The following PAIP2 variants were observed in gnomAD, a reference collection of about 807,000 sequenced individuals.
The protein encoded by PAIP2 is polyadenylate-binding protein-interacting protein 2.
In PAIP2, 7 loss-of-function variants were observed where a neutral mutation model predicts 14.8. The observed-to-expected ratio is 0.47, with a 90% CI of 0.27 to 0.89. The LOEUF (loss-of-function observed/expected upper bound fraction) is 0.89. Ranked by LOEUF, PAIP2 falls within the 40% of genes least tolerant of loss-of-function variation. The probability of loss-of-function intolerance (pLI) is 0.13; values close to 1 mark genes in which losing one functional copy is unlikely to be tolerated. For synonymous variants in PAIP2, 47 were observed against 45.3 expected, an observed-to-expected ratio of 1.04 and a Z score of -0.15; for missense variants, 122 against 154.7, an observed-to-expected ratio of 0.79 and a Z score of 1.12.
At chr5:139,364,429 T>C (rs1005603187) in intron 2 of PAIP2, 135 bp from the exon 3 acceptor site, 1 of 537,894 alleles carries the variant, frequency 1.9e-6, no homozygotes, top group Non-Finnish European at 3.2e-6. Context: ...ATGGTAAGCA[T>C]TTTTTTTCCT....
chr5:139,365,301 C>T (rs1176221203), intron 3 of PAIP2, among the ~76,000 whole-genome samples: 6 of 151,888 alleles, frequency 4.0e-5, no homozygotes, highest in South Asian at 2.1e-4. Context: ...GCCTGGCCAA[C>T]GTGGTGAAAC....
intron 1 of PAIP2, among the ~76,000 whole-genome samples, chr5:139,350,501 T>C (rs1246108796): frequency 6.7e-6 from 1 of 150,356 alleles, no homozygotes; most frequent in Non-Finnish European, 1.5e-5. Flanking sequence ...CATGGTGGCA[T>C]GCGCCTGTAG....
At chr5:139,347,986 A>T (rs1756606991) in intron 1 of PAIP2, among the ~76,000 whole-genome samples, 1 of 152,082 alleles carries the variant, frequency 6.6e-6, no homozygotes, top group East Asian at 1.9e-4. Flanking sequence ...AGCCTGGCCA[A>T]CATAGTGAAA....
chr5:139,363,652 A>G (rs1757136645), intron 1 of PAIP2, 107 bp from the exon 2 acceptor site: 2 of 943,272 alleles, frequency 2.1e-6, no homozygotes, highest in South Asian at 3.4e-5. Context: ...GTGGTGAGCC[A>G]TGATCACACC....
chr5:139,367,925 C>A (rs1036731407), intron 3 of PAIP2, among the ~76,000 whole-genome samples: 8 of 152,174 alleles, frequency 5.3e-5, no homozygotes, highest in Admixed American at 3.9e-4. Flanking sequence ...TAATTTAGGC[C>A]GGGTGCAGTG....
chr5:139,359,164 T>A (rs535652828), intron 1 of PAIP2, among the ~76,000 whole-genome samples: 2 of 152,178 alleles, frequency 1.3e-5, no homozygotes, highest in South Asian at 2.1e-4. Context: ...AGACAGAGTC[T>A]TACTCTGTCT....
chr5:139,352,502 G>T (rs202102610), intron 1 of PAIP2, among the ~76,000 whole-genome samples: 3,488 of 75,278 alleles, frequency 0.046, 122 homozygotes, highest in African/African-American at 0.085. Context: ...TTTTTTTGTT[G>T]TTTTTTTTTT....
chr5:139,362,791 C>T (rs1009503648), intron 1 of PAIP2, among the ~76,000 whole-genome samples: 2 of 152,054 alleles, frequency 1.3e-5, no homozygotes, highest in South Asian at 2.1e-4. Context: ...CCACCTGCCC[C>T]CGCCTCCCAA....
rs368205101 is a variant in PAIP2 at position 139,352,169 on chromosome 5, G to GAAA, written c.-27+10200_-27+10202dup. ...AGTATAATACAGTATTCCAAAATCT[G>GAAA]AAAAAAAAAAAAACACCAAAACACT... On this transcript the variant is annotated intron_variant, in intron 1 of 3. Coordinates refer to ENST00000265192, the MANE Select transcript of PAIP2 (RefSeq NM_016480.5). Among the ~76,000 whole-genome samples, 52 of 131,884 alleles carry GAAA rather than the reference G, an allele frequency of 3.9e-4. No homozygotes were observed. The East Asian group carries it at 0.01, about 27-fold the overall frequency. 86.5% of individuals were successfully genotyped at this position (131,884 alleles called of 152,430 possible).
chr5:139,345,897 G>A (rs1756531378), intron 1 of PAIP2, among the ~76,000 whole-genome samples: 1 of 152,100 alleles, frequency 6.6e-6, no homozygotes. Context: ...AAAGTGCTGG[G>A]ATTACAGGCG....
chr5:139,346,998 G>A (rs953874323), intron 1 of PAIP2, among the ~76,000 whole-genome samples: 4 of 151,962 alleles, frequency 2.6e-5, no homozygotes, highest in African/African-American at 9.7e-5. Context: ...ACTAGAGATG[G>A]GGTTTCACCA....
chr5:139,367,019 C>T (rs963900332), intron 3 of PAIP2, among the ~76,000 whole-genome samples: 9 of 152,106 alleles, frequency 5.9e-5, no homozygotes, highest in Admixed American at 2.0e-4. Context: ...GTGATTGTTC[C>T]GCTGCCCTCC....
chr5:139,342,337 C>A (rs375285495), intron 1 of PAIP2: 7 of 152,206 alleles, frequency 4.6e-5, no homozygotes, highest in African/African-American at 1.7e-4. Flanking sequence ...TCCCCTGCCC[C>A]CCTCCCACCG....
intron 1 of PAIP2, among the ~76,000 whole-genome samples, chr5:139,352,187 A>G (rs537569483): frequency 7.1e-6 from 1 of 141,454 alleles, no homozygotes; most frequent in East Asian, 2.0e-4. Context: ...AAAAAACACC[A>G]AAACACTTCT....
At chr5:139,347,904 G>A (rs1756603516) in intron 1 of PAIP2, among the ~76,000 whole-genome samples, 2 of 152,168 alleles carry the variant, frequency 1.3e-5, no homozygotes, top group Non-Finnish European at 2.9e-5. Context: ...CAGTGTGGTG[G>A]CTCATATCTG....
chr5:139,344,630 T>G (rs1466424479), intron 1 of PAIP2, among the ~76,000 whole-genome samples: 1 of 152,200 alleles, frequency 6.6e-6, no homozygotes, highest in African/African-American at 2.4e-5. Flanking sequence ...GTTTGGAGAA[T>G]TTGAATAGCC....
chr5:139,354,057 A>G (rs895234829), intron 1 of PAIP2, among the ~76,000 whole-genome samples: 2 of 152,188 alleles, frequency 1.3e-5, no homozygotes, highest in Non-Finnish European at 2.9e-5. Flanking sequence ...AAGAGGAGTA[A>G]TAAGCCAAAA....
intron 1 of PAIP2, among the ~76,000 whole-genome samples, chr5:139,360,244 C>T (rs756401684): frequency 3.5e-4 from 53 of 151,978 alleles, no homozygotes; most frequent in Admixed American, 7.2e-4. Context: ...GGATTATAGG[C>T]GGGAGCCACC....
Position 139,363,755 on chromosome 5 carries a change from T to G in PAIP2, c.-26-4T>G. 6.2e-7 allele frequency: 1 copy of G among 1,609,774 alleles called. No individual in the cohort carries two copies. Among genetic ancestry groups the G allele is most frequent in the Non-Finnish European group, 8.5e-7 (1 of 1,177,954 alleles). ...TAAATTAACTGTGCTGTTGTTCTTTTAAGGTTAAAAACGACAACCAACATC... is the reference window on the plus strand; with the variant it reads ...TAAATTAACTGTGCTGTTGTTCTTTGAAGGTTAAAAACGACAACCAACATC... On this transcript the variant is annotated splice_polypyrimidine_tract_variant and splice_region_variant and intron_variant, in intron 1 of 3. Coordinates refer to ENST00000265192, the MANE Select transcript of PAIP2 (RefSeq NM_016480.5).
Sources: allele counts gnomAD v4.1 joint callset (sites outside exome capture counted in the v4.1 genomes callset), GRCh38; gene constraint gnomAD v4.1.1; transcripts MANE v1.5; gene names NCBI Gene and HGNC (gene_info 2026-07-23, HGNC 2026-07-21).